The following RNF216 variants were observed in gnomAD, a reference collection of about 807,000 sequenced individuals.
RNF216 encodes the protein ring finger protein 216, also known as E3 ubiquitin-protein ligase RNF216.
In RNF216, 72 loss-of-function variants were observed where a neutral mutation model predicts 110.8. That is an observed-to-expected ratio of 0.65 (90% CI 0.54 to 0.79). RNF216 has a LOEUF of 0.79. RNF216 is among the 30% of genes least tolerant of loss of function. RNF216 has a pLI of 0.00. For synonymous variants in RNF216, 495 were observed against 407.5 expected (o/e 1.21, Z -2.59); for missense variants, 1,342 against 1,141.2 (o/e 1.18, Z -2.54).
At chr7:5,669,987 C>T (rs896266543) in intron 13 of RNF216, among the ~76,000 whole-genome samples, 22 of 151,410 alleles carry the variant, frequency 1.5e-4, no homozygotes, top group Admixed American at 2.6e-4. Context: ...AGTGCAGTGG[C>T]GCGATCTTGG....
At chr7:5,623,276 G>C in intron 16 of RNF216, 97 bp from the exon 17 acceptor site, 1 of 1,091,192 alleles carries the variant, frequency 9.2e-7, no homozygotes, top group East Asian at 2.5e-5. Flanking sequence ...CACGGGAGTG[G>C]CTCCACATGC....
At chr7:5,761,568 A>G (rs1349554405) in intron 1 of RNF216, among the ~76,000 whole-genome samples, 1 of 152,312 alleles carries the variant, frequency 6.6e-6, no homozygotes, top group East Asian at 1.9e-4. Flanking sequence ...CGGGCAGGTC[A>G]TGAGGTTAGG....
intron 15 of RNF216, among the ~76,000 whole-genome samples, chr7:5,635,032 G>A (rs1013577427): frequency 5.9e-5 from 9 of 152,138 alleles, no homozygotes; most frequent in African/African-American, 1.9e-4. Context: ...ATGTATTTGT[G>A]GCAGGAGCCA....
intron 13 of RNF216, among the ~76,000 whole-genome samples, chr7:5,653,442 CA>C (rs1022161183): frequency 2.0e-5 from 3 of 149,114 alleles, no homozygotes; most frequent in Admixed American, 6.7e-5. Context: ...ACTAAAAATA[CA>C]AAAAAAAATT....
chr7:5,727,898 T>G (rs1230476021), intron 7 of RNF216, among the ~76,000 whole-genome samples: 1 of 151,624 alleles, frequency 6.6e-6, no homozygotes, highest in Non-Finnish European at 1.5e-5. Flanking sequence ...ATTTTCCATA[T>G]GCTGATGACT....
intron 14 of RNF216, among the ~76,000 whole-genome samples, chr7:5,651,993 C>G (rs2128576612): frequency 6.6e-6 from 1 of 152,276 alleles, no homozygotes; most frequent in African/African-American, 2.4e-5. Context: ...CCACACAGTA[C>G]TATACAAGTA....
chr7:5,720,261 C>A (rs544951581), intron 9 of RNF216, among the ~76,000 whole-genome samples: 1 of 152,298 alleles, frequency 6.6e-6, no homozygotes, highest in South Asian at 2.1e-4. Flanking sequence ...GCAAAACCAA[C>A]ACACCCCTCC....
chr7:5,749,104 C>T (rs79247182), intron 3 of RNF216, among the ~76,000 whole-genome samples: 11,208 of 151,260 alleles, frequency 0.074, 1,369 homozygotes, highest in African/African-American at 0.26. Context: ...GTAAGTAAGA[C>T]CATTTGGAAA....
intron 2 of RNF216, among the ~76,000 whole-genome samples, chr7:5,757,635 G>A (rs1028758927): frequency 6.6e-6 from 1 of 152,066 alleles, no homozygotes; most frequent in Non-Finnish European, 1.5e-5. Flanking sequence ...AAGAATTCCA[G>A]TACAAAGAAT....
chr7:5,658,056 G>A (rs959499236), intron 13 of RNF216, among the ~76,000 whole-genome samples: 3 of 152,210 alleles, frequency 2.0e-5, no homozygotes, highest in African/African-American at 4.8e-5. Context: ...ACGCACACAC[G>A]GCAGGGGAGC....
intron 7 of RNF216, 66 bp from the exon 8 acceptor site, chr7:5,725,504 T>A: frequency 5.6e-6 from 5 of 898,870 alleles, no homozygotes; most frequent in Non-Finnish European, 9.2e-6. Flanking sequence ...AGACAGGCAA[T>A]CCCTGAATGC....
At chr7:5,639,643 T>TA (rs1787610915) in intron 15 of RNF216, among the ~76,000 whole-genome samples, 1 of 151,942 alleles carries the variant, frequency 6.6e-6, no homozygotes, top group Non-Finnish European at 1.5e-5. Flanking sequence ...ATATTTTTAT[T>TA]AGAGACAGGT....
At chr7:5,645,933 G>A (rs550328314) in intron 14 of RNF216, among the ~76,000 whole-genome samples, 1 of 152,170 alleles carries the variant, frequency 6.6e-6, no homozygotes, top group Non-Finnish European at 1.5e-5. Flanking sequence ...TTCATACACT[G>A]TGCTCCTGGT....
chr7:5,657,385 G>C (rs944883592), intron 13 of RNF216, among the ~76,000 whole-genome samples: 2 of 152,024 alleles, frequency 1.3e-5, no homozygotes, highest in Non-Finnish European at 2.9e-5. Context: ...CTGACCAACA[G>C]GGAGAAACCC....
rs71547789 is a variant in RNF216, at chr7:5,768,346, T to TACATACACAC, written c.-69-7209_-69-7208insGTGTGTATGT. Among the ~76,000 whole-genome samples the TACATACACAC allele has an allele frequency of 1.3e-4, 9 of 71,942 alleles. No individual in the cohort carries two copies. In the East Asian group the frequency reaches 2.8e-3, roughly 23 times the overall value. The allele number at this position is 71,942 out of a possible 152,430, so 47.2% of individuals were successfully genotyped here. ...GTAGTGGGAGGCCGAGGCAGGCAAA[T>TACATACACAC]ACACACACACACACACACACACACA... On this transcript the variant is annotated intron_variant, in intron 1 of 16. Transcript: ENST00000389902.
chr7:5,683,911 A>C (rs2128607389), intron 13 of RNF216, among the ~76,000 whole-genome samples: 1 of 152,162 alleles, frequency 6.6e-6, no homozygotes, highest in South Asian at 2.1e-4. Flanking sequence ...CTGCACAGAG[A>C]ATAGGGACGG....
intron 1 of RNF216, among the ~76,000 whole-genome samples, chr7:5,779,079 A>G (rs920601759): frequency 3.3e-5 from 5 of 152,264 alleles, no homozygotes; most frequent in African/African-American, 9.6e-5. Context: ...ATGCAAATAT[A>G]ATGATATCAG....
intron 13 of RNF216, among the ~76,000 whole-genome samples, chr7:5,656,176 G>A (rs1788728984): frequency 6.6e-6 from 1 of 152,150 alleles, no homozygotes; most frequent in Admixed American, 6.6e-5. Flanking sequence ...AGCTGAGACA[G>A]GAGAATTGCT....
At chr7:5,629,881 G>T (rs1050138451) in intron 15 of RNF216, among the ~76,000 whole-genome samples, 11 of 151,456 alleles carry the variant, frequency 7.3e-5, no homozygotes, top group South Asian at 6.3e-4. Flanking sequence ...TGATTTTGAG[G>T]TTAAACATGA....
Sources: gnomAD v4.1 joint callset for allele counts (sites outside exome capture counted in the v4.1 genomes callset) on GRCh38, gnomAD v4.1.1 for gene constraint, MANE v1.5 for transcripts, NCBI Gene and HGNC (gene_info 2026-07-23, HGNC 2026-07-21) for gene names.